BUD31: variants seen among roughly 807,000 people sequenced by gnomAD.
BUD31 encodes BUD31 spliceosome associated protein, also known as protein BUD31 homolog.
Under a neutral mutation model 17.9 loss-of-function variants are expected in BUD31, and 9 were observed. The ratio of observed to expected loss-of-function variants is 0.50; its 90% CI spans 0.30 to 0.88. The LOEUF (loss-of-function observed/expected upper bound fraction) is 0.88. Ranked by LOEUF, BUD31 falls within the 40% of genes least tolerant of loss-of-function variation. The probability of loss-of-function intolerance (pLI) is 0.06; values close to 1 mark genes in which losing one functional copy is unlikely to be tolerated. For missense variants in BUD31, 148 were observed against 184.5 expected, an observed-to-expected ratio of 0.80 and a Z score of 1.15; for synonymous variants, 70 against 64.7, an observed-to-expected ratio of 1.08 and a Z score of -0.39.
intron 2 of BUD31, 86 bp downstream of exon 2, chr7:99,410,255 C>T (rs968608133): frequency 1.3e-5 from 2 of 152,070 alleles, no homozygotes; most frequent in Admixed American, 1.3e-4. Flanking sequence ...CTCACTCCGT[C>T]ACTTAGGCTG....
At chr7:99,412,217 A>G (rs1795219626) in intron 3 of BUD31, among the ~76,000 whole-genome samples, 1 of 152,236 alleles carries the variant, frequency 6.6e-6, no homozygotes, top group Non-Finnish European at 1.5e-5. Flanking sequence ...TATTGCAGTA[A>G]TCACGGTCAT....
intron 1 of BUD31, 76 bp from the exon 2 acceptor site, chr7:99,409,958 C>T (rs1795112246): frequency 6.6e-6 from 1 of 152,174 alleles, no homozygotes; most frequent in African/African-American, 2.4e-5. Context: ...ATGGGAACTA[C>T]CTGACTTTAT....
At chr7:99,412,847 G>A (rs1340975059) in intron 3 of BUD31, among the ~76,000 whole-genome samples, 1 of 150,118 alleles carries the variant, frequency 6.7e-6, no homozygotes, top group Non-Finnish European at 1.5e-5. Flanking sequence ...GGTCTCGATC[G>A]CCTGACCTTG....
At chr7:99,413,326 G>T (rs73397447) in intron 3 of BUD31, among the ~76,000 whole-genome samples, 11,477 of 152,164 alleles carry the variant, frequency 0.075, 637 homozygotes, top group African/African-American at 0.16. Flanking sequence ...ACTGCCTTGC[G>T]GCAAGTATGA....
chr7:99,417,619 G>T, intron 5 of BUD31, 24 bp downstream of exon 5: 2 of 1,608,000 alleles, frequency 1.2e-6, no homozygotes, highest in Non-Finnish European at 1.7e-6. Flanking sequence ...CTCAAGCTTG[G>T]TGTTGTTTTC....
chr7:99,419,555 T>A lies in BUD31; in HGVS notation c.*114T>A. On this transcript the variant is annotated 3_prime_UTR_variant, in exon 6 of 6. Transcript: ENST00000222969. ...GGCCCGAGTTGGAGCACGGTCTCTATGGGGAAGGCTTCGCTGTCTATCAGC... is the reference window on the plus strand; with the variant it reads ...GGCCCGAGTTGGAGCACGGTCTCTAAGGGGAAGGCTTCGCTGTCTATCAGC... 7.4e-6 allele frequency: 9 copies of A among 1,214,628 alleles called. No individual in the cohort carries two copies. The highest frequency in any genetic ancestry group is 9.5e-6 in the Non-Finnish European group (8 of 839,286). The allele number at this position is 1,214,628 out of a possible 1,614,324, so 75.2% of individuals were successfully genotyped here.
chr7:99,419,331 T>A (rs1354400336), intron 5 of BUD31, 60 bp from the exon 6 acceptor site: 2 of 1,592,832 alleles, frequency 1.3e-6, no homozygotes, highest in Non-Finnish European at 1.7e-6. Context: ...GCCACATATG[T>A]GAGTGTGCAG....
intron 3 of BUD31, among the ~76,000 whole-genome samples, chr7:99,413,706 C>T (rs1444212245): frequency 1.3e-5 from 2 of 152,126 alleles, no homozygotes; most frequent in African/African-American, 2.4e-5. Context: ...CTTCTCGTGC[C>T]TCAGCCTCCC....
At position 99,419,442 on chromosome 7, in the gene BUD31, G is replaced by A. The variant is rs764336172; in HGVS notation, c.*1G>A. On this transcript the variant is annotated 3_prime_UTR_variant, in exon 6 of 6. Transcript: ENST00000222969. ...TGGCTGTCGTGGCTGCTCTGGCTGA[G>A]GCTGGCGCGCTCCACCCTGGACTCT... 8.7e-6 allele frequency: 14 copies of A among 1,611,534 alleles called. 1 individual carries two copies. The highest frequency in any genetic ancestry group is 1.7e-4 in the Middle Eastern group (1 of 6,060).
At chr7:99,411,749 G>T in intron 3 of BUD31, 2 of 455,090 alleles carry the variant, frequency 4.4e-6, no homozygotes, top group South Asian at 3.1e-5. Context: ...CTGTCTTCCA[G>T]GCTGCAGTGC....
intron 3 of BUD31, among the ~76,000 whole-genome samples, chr7:99,413,717 G>A (rs1387276320): frequency 6.6e-6 from 1 of 152,004 alleles, no homozygotes; most frequent in African/African-American, 2.4e-5. Context: ...TCAGCCTCCC[G>A]AGTAACTGGG....
In BUD31 at chr7:99,415,213, T is replaced by C. The variant is rs185187260; in HGVS notation, c.95-925T>C. 694 of 454,898 alleles carry C rather than the reference T, an allele frequency of 1.5e-3. 5 individuals carry two copies. Among genetic ancestry groups the C allele is most frequent in the African/African-American group, 8.1e-3 (405 of 49,796 alleles). The allele number at this position is 454,898 out of a possible 1,614,324, so 28.2% of individuals were successfully genotyped here. On this transcript the variant is annotated intron_variant, in intron 3 of 5. Transcript: ENST00000222969. Reference sequence around the variant, plus strand: ...AAATGCCAGGCTGCACTGATATTTATTGGATACAAGACAAAGGGGCAGGAT... The same window carrying C: ...AAATGCCAGGCTGCACTGATATTTACTGGATACAAGACAAAGGGGCAGGAT...
intron 3 of BUD31, among the ~76,000 whole-genome samples, chr7:99,412,975 A>G (rs537046722): frequency 1.3e-5 from 2 of 152,108 alleles, no homozygotes; most frequent in South Asian, 2.1e-4. Flanking sequence ...TTTTCACGCT[A>G]CTGATAGACA....
intron 4 of BUD31, 39 bp downstream of exon 4, chr7:99,416,299 C>A: frequency 6.3e-7 from 1 of 1,598,796 alleles, no homozygotes; most frequent in South Asian, 1.1e-5. Context: ...AAGCTCGCGT[C>A]ACTTTTGGAG....
At position 99,419,457 on chromosome 7, in the gene BUD31, CCCTGGACTCTGGACTTCGCAGGTT is replaced by C; in HGVS notation, c.*21_*44del. The stretch of plus-strand genomic sequence containing the variant: ...CTCTGGCTGAGGCTGGCGCGCTCCA[CCCTGGACTCTGGACTTCGCAGGTT>C]CCTGCCTGTCACGCCACCCCCTTCC... On this transcript the variant is annotated 3_prime_UTR_variant, in exon 6 of 6. Transcript: ENST00000222969. 1 of 1,610,102 alleles carries C rather than the reference CCCTGGACTCTGGACTTCGCAGGTT, an allele frequency of 6.2e-7. No individual in the cohort carries two copies. Among genetic ancestry groups the C allele is most frequent in the Non-Finnish European group, 8.5e-7 (1 of 1,179,962 alleles).
rs753215343 is a variant in BUD31, at chr7:99,417,621, G to T, written c.384+26G>T. 3 of 1,607,384 alleles carry T rather than the reference G, an allele frequency of 1.9e-6. No homozygotes were observed. In the South Asian group the frequency reaches 3.3e-5, roughly 18 times the overall value. ...GTAATGTCTGACACTCAAGCTTGGT[G>T]TTGTTTTCAGCTCAAAATTCTGCCT... On this transcript the variant is annotated intron_variant, in intron 5 of 5. Transcript: ENST00000222969.
rs1233494608 is a variant in BUD31, at chr7:99,417,468, A to G, written c.257A>G (p.Lys86Arg). Residue 86 changes from lysine to arginine, a missense_variant, in exon 5 of 6, where the codon AAA (lysine) becomes AGA (arginine). Coordinates refer to ENST00000222969, the MANE Select transcript of BUD31 (RefSeq NM_003910.4). The part of the protein sequence containing the change: ...EYCIKEGYAD[K>R]NLIAKWKKQG... ...TGTATTAAAGAAGGCTATGCAGACA[A>G]AAACCTGATTGCAAAATGGAAAAAG... The G allele has an allele frequency of 6.2e-7, 1 of 1,612,672 alleles. No individual in the cohort carries two copies. Among genetic ancestry groups the G allele is most frequent in the East Asian group, 2.2e-5 (1 of 44,884 alleles).
chr7:99,417,799 T>C (rs561160628), intron 5 of BUD31: 1 of 1,516,882 alleles, frequency 6.6e-7, no homozygotes, highest in African/African-American at 1.4e-5. Context: ...AGGTCTGGGG[T>C]CAATCTCAAC....
intron 5 of BUD31, 71 bp downstream of exon 5, chr7:99,417,666 TTA>T (rs770608782): frequency 1.3e-5 from 21 of 1,587,704 alleles, no homozygotes; most frequent in Non-Finnish European, 1.8e-5. Flanking sequence ...GCAAGGGATC[TTA>T]TGTTATTTGG....
Sources: allele counts gnomAD v4.1 joint callset (sites outside exome capture counted in the v4.1 genomes callset), GRCh38; gene constraint gnomAD v4.1.1; transcripts MANE v1.5; gene names NCBI Gene and HGNC (gene_info 2026-07-23, HGNC 2026-07-21).